Variants in POU6F2 observed in about 807,000 individuals in gnomAD.
POU6F2 encodes the protein POU class 6 homeobox 2.
Under a neutral mutation model 71.3 loss-of-function variants are expected in POU6F2, and 31 were observed. The observed-to-expected ratio is 0.43, with a 90% CI of 0.33 to 0.59. The LOEUF is 0.59. Ranked by LOEUF, POU6F2 falls within the 20% of genes least tolerant of loss-of-function variation. The pLI, the probability that POU6F2 is intolerant of heterozygous loss-of-function variation, is 0.04. For missense variants in POU6F2, 783 were observed against 856.8 expected, an observed-to-expected ratio of 0.91 and a Z score of 1.07; for synonymous variants, 347 against 355.7, an observed-to-expected ratio of 0.98 and a Z score of 0.27.
chr7:38,994,174 G>C (rs761243593), intron 1 of POU6F2, among the ~76,000 whole-genome samples: 3 of 152,126 alleles, frequency 2.0e-5, no homozygotes, highest in Non-Finnish European at 2.9e-5. Flanking sequence ...ATGTGCCTGA[G>C]TGAATAAACA....
At chr7:39,415,054 A>G (rs1787643423) in intron 6 of POU6F2, among the ~76,000 whole-genome samples, 1 of 151,676 alleles carries the variant, frequency 6.6e-6, no homozygotes, top group Admixed American at 6.6e-5. Context: ...ACGGAGCTTC[A>G]CTCTTGTTGC....
chr7:39,406,726 A>G lies in POU6F2; in HGVS notation c.1099A>G (p.Asn367Asp), dbSNP rs763029624. ...GGGGGTCACAGGTCAACTAGTTACT[A>G]ATGCACAAGGACAGGTGAGTGGGAG... ...LQGVTGQLVT[N>D]AQGQIIGTIP... The change falls in exon 6 of 10, where the codon AAT becomes GAT. Residue 367 changes from asparagine to aspartate, a missense_variant. Physicochemically the swap from Asn to Asp is conservative, Grantham distance 23. This residue lies in a region of POU6F2 where 572 missense variants were observed against 572.9 expected (regional missense o/e 1.00). Transcript: ENST00000518318. 4 of 1,613,542 alleles carry G rather than the reference A, an allele frequency of 2.5e-6. No homozygotes were observed. In the South Asian group the frequency reaches 4.4e-5, roughly 18 times the overall value.
intron 5 of POU6F2, among the ~76,000 whole-genome samples, chr7:39,349,934 A>G (rs1786108421): frequency 1.3e-5 from 2 of 152,154 alleles, no homozygotes; most frequent in Admixed American, 1.3e-4. Flanking sequence ...GGATAGGGCA[A>G]TTCTGTGTCC....
intron 2 of POU6F2, 138 bp from the exon 3 acceptor site, chr7:39,204,097 G>A: frequency 1.4e-6 from 1 of 731,946 alleles, no homozygotes; most frequent in Non-Finnish European, 2.4e-6. Context: ...TCATCATTAT[G>A]TATGCAGTTG....
At chr7:39,178,750 G>A (rs1468712032) in intron 2 of POU6F2, among the ~76,000 whole-genome samples, 1 of 152,156 alleles carries the variant, frequency 6.6e-6, no homozygotes, top group African/African-American at 2.4e-5. Context: ...AAAAACAGGA[G>A]CACTGAGAAG....
chr7:39,116,637 T>C (rs1791936155), intron 2 of POU6F2, among the ~76,000 whole-genome samples: 1 of 152,278 alleles, frequency 6.6e-6, no homozygotes, highest in Middle Eastern at 3.4e-3. Flanking sequence ...CCCAAAGGCT[T>C]TCTCTTAACC....
intron 2 of POU6F2, among the ~76,000 whole-genome samples, chr7:39,175,369 G>T (rs572220485): frequency 6.6e-6 from 1 of 152,122 alleles, no homozygotes; most frequent in East Asian, 1.9e-4. Context: ...ATATTTTATT[G>T]TCCAAACTAG....
chr7:39,322,393 C>A (rs972832997), intron 4 of POU6F2, among the ~76,000 whole-genome samples: 3 of 152,206 alleles, frequency 2.0e-5, no homozygotes, highest in Non-Finnish European at 4.4e-5. Flanking sequence ...TCAACTCAAA[C>A]CCTCTTAATC....
intron 1 of POU6F2, among the ~76,000 whole-genome samples, chr7:39,001,819 T>C (rs1476618654): frequency 6.6e-6 from 1 of 151,892 alleles, no homozygotes; most frequent in Non-Finnish European, 1.5e-5. Flanking sequence ...AGTGATGTGA[T>C]GATAGTCATG....
chr7:38,994,218 TG>T (rs1315601279), intron 1 of POU6F2, among the ~76,000 whole-genome samples: 1 of 151,828 alleles, frequency 6.6e-6, no homozygotes, highest in Admixed American at 6.6e-5. Context: ...CAGAGTGGGA[TG>T]GGATGGGTGT....
intron 1 of POU6F2, among the ~76,000 whole-genome samples, chr7:39,018,095 G>A (rs1453065936): frequency 1.3e-5 from 2 of 152,048 alleles, no homozygotes; most frequent in Admixed American, 1.3e-4. Context: ...GTTAAATATA[G>A]AATTTGTCTG....
chr7:38,992,943 G>T (rs748205641), intron 1 of POU6F2, among the ~76,000 whole-genome samples: 26 of 152,062 alleles, frequency 1.7e-4, no homozygotes, highest in African/African-American at 6.3e-4. Context: ...AGCTTCATGC[G>T]TACTTACAAA....
At chr7:39,007,216 G>A (rs940875) in intron 1 of POU6F2, among the ~76,000 whole-genome samples, 4,188 of 152,126 alleles carry the variant, frequency 0.028, 195 homozygotes, top group African/African-American at 0.096. Flanking sequence ...AATTTTATTT[G>A]CTATTTTTAT....
At chr7:39,008,911 T>C (rs1464787464) in intron 1 of POU6F2, among the ~76,000 whole-genome samples, 42 of 150,528 alleles carry the variant, frequency 2.8e-4, no homozygotes, top group African/African-American at 9.4e-4. Flanking sequence ...TACCATGCTG[T>C]TTTGGTTACT....
intron 2 of POU6F2, among the ~76,000 whole-genome samples, chr7:39,100,526 A>C (rs1269683645): frequency 1.1e-4 from 17 of 152,216 alleles, no homozygotes. Flanking sequence ...CATTTCTTAG[A>C]AATCATTGGC....
chr7:39,141,299 G>C (rs552240069), intron 2 of POU6F2, among the ~76,000 whole-genome samples: 1 of 152,254 alleles, frequency 6.6e-6, no homozygotes, highest in South Asian at 2.1e-4. Context: ...AAAGCATCTT[G>C]GTTGGGATTT....
chr7:39,075,552 AT>A (rs1790982917), intron 1 of POU6F2, among the ~76,000 whole-genome samples: 2 of 152,370 alleles, frequency 1.3e-5, no homozygotes, highest in South Asian at 4.1e-4. Context: ...ATTCATTTAA[AT>A]AAATCTCTTC....
chr7:39,084,166 A>G (rs1328422670), intron 1 of POU6F2, among the ~76,000 whole-genome samples: 2 of 152,128 alleles, frequency 1.3e-5, no homozygotes, highest in Admixed American at 1.3e-4. Flanking sequence ...TAGATGGCAG[A>G]AATATAATTC....
rs1786328379 is a variant in POU6F2 at position 39,359,398 on chromosome 7, G to T, written c.972+19383G>T. Among the ~76,000 whole-genome samples the T allele has an allele frequency of 2.0e-5, 3 of 152,014 alleles. 1 individual carries two copies. In the South Asian group the frequency reaches 6.2e-4, roughly 32 times the overall value. On this transcript the variant is annotated intron_variant, in intron 5 of 9. Coordinates refer to ENST00000518318, the MANE Select transcript of POU6F2 (RefSeq NM_001370959.1). ...ACTCATATATTTTAAACATCCTCTGGATTTATTATAGAAAAATATTTTATT... is the reference window on the plus strand; with the variant it reads ...ACTCATATATTTTAAACATCCTCTGTATTTATTATAGAAAAATATTTTATT...
Sources: gnomAD v4.1 joint callset for allele counts (sites outside exome capture counted in the v4.1 genomes callset) on GRCh38, gnomAD v4.1.1 for gene constraint, gnomAD v4.1.1 regional missense constraint, MANE v1.5 for transcripts, NCBI Gene and HGNC (gene_info 2026-07-23, HGNC 2026-07-21) for gene names.